Variants in CMTM3 observed in about 807,000 individuals in gnomAD.
The protein encoded by CMTM3 is CKLF-like MARVEL transmembrane domain-containing protein 3.
CMTM3 carries 7 observed loss-of-function variants against 18.2 expected under a neutral mutation model. The observed-to-expected ratio is 0.38, with a 90% CI of 0.22 to 0.72. The LOEUF (loss-of-function observed/expected upper bound fraction) is 0.72, where lower values mean the gene tolerates loss of function less well. CMTM3 is among the 30% of genes least tolerant of loss of function. The pLI, the probability that CMTM3 is intolerant of heterozygous loss-of-function variation, is 0.46. For synonymous variants in CMTM3, 109 were observed against 111.2 expected, an observed-to-expected ratio of 0.98 and a Z score of 0.12; for missense variants, 227 against 249.2, an observed-to-expected ratio of 0.91 and a Z score of 0.60.
At chr16:66,604,973 G>C in intron 1 of CMTM3, 21 bp downstream of exon 1, 3 of 1,473,404 alleles carry the variant, frequency 2.0e-6, no homozygotes, top group Non-Finnish European at 2.7e-6. Context: ...CGGGACCCTC[G>C]GCCGCCCCGC....
Position 66,608,518 on chromosome 16 carries a change from A to C in CMTM3, c.303+54A>C. On this transcript the variant is annotated intron_variant, in intron 2 of 4. Transcript: ENST00000567572. The surrounding 1 kb of genome is among the most constrained non-coding windows in gnomAD (Gnocchi z 5.1). ...GTGCCCTGCACAAAGTGGCCAGATG[A>C]GGAGTCCAGAGTCGTGCACTTGGGC... 1 of 1,581,178 alleles carries C rather than the reference A, an allele frequency of 6.3e-7. No homozygotes were observed. The highest frequency in any genetic ancestry group is 8.6e-7 in the Non-Finnish European group (1 of 1,156,962).
At chr16:66,607,691 A>G (rs1567393386) in intron 1 of CMTM3, among the ~76,000 whole-genome samples, 1 of 152,102 alleles carries the variant, frequency 6.6e-6, no homozygotes, top group Non-Finnish European at 1.5e-5. Flanking sequence ...TTCCCTCCGC[A>G]GGGCACTGAG....
rs1203709388 is a variant in CMTM3 at position 66,609,640 on chromosome 16, T to C, written c.399+110T>C. The stretch of plus-strand genomic sequence containing the variant: ...CTGCTGGGGCCCCCCTGGGGTCTCA[T>C]GTGGGTCCCGATGATGATTCCAAAG... On this transcript the variant is annotated intron_variant, in intron 3 of 4. Coordinates refer to ENST00000567572, the MANE Select transcript of CMTM3 (RefSeq NM_181553.4). The surrounding 1 kb of genome is among the most constrained non-coding windows in gnomAD (Gnocchi z 4.4). 2.6e-6 allele frequency: 4 copies of C among 1,513,770 alleles called. No homozygotes were observed. The highest frequency in any genetic ancestry group is 1.7e-4 in the Middle Eastern group (1 of 5,910). 93.8% of individuals were successfully genotyped at this position (1,513,770 alleles called of 1,614,324 possible).
At position 66,612,886 on chromosome 16, in the gene CMTM3, C is replaced by T. The variant is rs2015435968; in HGVS notation, c.*249C>T. The T allele has an allele frequency of 1.6e-6, 1 of 613,258 alleles. No homozygotes were observed. 38.0% of individuals were successfully genotyped at this position (613,258 alleles called of 1,614,324 possible). A position where few individuals can be genotyped will look rare whatever the true frequency, so the allele number is the denominator to read the frequency against. Reference sequence around the variant, plus strand: ...TCCCACTCCTTCTCCCCATTTCTGTCCCACAGGCCTTCAGCCCTTTAACGT... The same window carrying T: ...TCCCACTCCTTCTCCCCATTTCTGTTCCACAGGCCTTCAGCCCTTTAACGT... On this transcript the variant is annotated 3_prime_UTR_variant, in exon 5 of 5. Coordinates refer to ENST00000567572, the MANE Select transcript of CMTM3 (RefSeq NM_181553.4). The surrounding 1 kb of genome is among the most constrained non-coding windows in gnomAD (Gnocchi z 6.0).
At chr16:66,604,269 T>A (rs113755360), upstream of CMTM3, 4,375 of 145,132 alleles carry the variant, frequency 0.03, 90 homozygotes, top group Non-Finnish European at 0.044. Flanking sequence ...TGGAGGAGGG[T>A]GGGGCTGGCC....
In CMTM3 at chr16:66,612,835, C is replaced by T. The variant is rs766667759; in HGVS notation, c.*198C>T. 40 of 616,802 alleles carry T rather than the reference C, an allele frequency of 6.5e-5. No individual in the cohort carries two copies. The highest frequency in any genetic ancestry group is 4.3e-4 in the Middle Eastern group (1 of 2,342). The allele number at this position is 616,802 out of a possible 1,614,324, so 38.2% of individuals were successfully genotyped here. ...CCCCTCAGCTCAGCACTGTTGACCA[C>T]GCTGCGTATGAGGGCATCTTGGGTA... On this transcript the variant is annotated 3_prime_UTR_variant, in exon 5 of 5. Coordinates refer to ENST00000567572, the MANE Select transcript of CMTM3 (RefSeq NM_181553.4). This position sits in a 1 kb window ranked among gnomAD's most constrained non-coding sequence, Gnocchi z 6.0.
In CMTM3 at chr16:66,609,630, T is replaced by A; in HGVS notation, c.399+100T>A. The A allele has an allele frequency of 6.6e-7, 1 of 1,513,646 alleles. No homozygotes were observed. The highest frequency in any genetic ancestry group is 8.9e-7 in the Non-Finnish European group (1 of 1,119,604). 93.8% of individuals were successfully genotyped at this position (1,513,646 alleles called of 1,614,324 possible). ...GAGCCTTTCCCTGCTGGGGCCCCCC[T>A]GGGGTCTCATGTGGGTCCCGATGAT... is the stretch of plus-strand genomic sequence containing the variant. On this transcript the variant is annotated intron_variant, in intron 3 of 4. Transcript: ENST00000567572. The surrounding 1 kb of genome is among the most constrained non-coding windows in gnomAD (Gnocchi z 4.4).
In CMTM3 at chr16:66,610,695, G is replaced by A. The variant is rs538339084; in HGVS notation, c.520+692G>A. On this transcript the variant is annotated intron_variant, in intron 4 of 4. Coordinates refer to ENST00000567572, the MANE Select transcript of CMTM3 (RefSeq NM_181553.4). This position sits in a 1 kb window ranked among gnomAD's most constrained non-coding sequence, Gnocchi z 4.6. ...CTTCTGCCTGGGGAGATGCTTCTCT[G>A]GACCAGGCGGATGTGCCCCTGTGCT... 1.5e-4 allele frequency among the ~76,000 whole-genome samples: 23 copies of A among 152,204 alleles called. No individual in the cohort carries two copies. The highest frequency in any genetic ancestry group is 3.2e-4 in the Non-Finnish European group (22 of 68,038).
Position 66,609,907 on chromosome 16 carries a change from G to C in CMTM3, c.424G>C (p.Val142Leu), listed in dbSNP as rs142471076. Reference protein sequence around the residue: ...AGVFGFFATIVFATDFYLIFN... With the variant: ...AGVFGFFATILFATDFYLIFN... ...GGTGTTTGGCTTCTTTGCTACCATC[G>C]TGTTTGCAACTGATTTCTACCTGAT... The change falls in exon 4 of 5, where the codon GTG becomes CTG. Residue 142 changes from valine to leucine, a missense_variant. Val to Leu is a conservative substitution (Grantham distance 32, BLOSUM62 1). Transcript: ENST00000567572. This position sits in a 1 kb window ranked among gnomAD's most constrained non-coding sequence, Gnocchi z 4.4. The C allele has an allele frequency of 1.9e-6, 3 of 1,614,118 alleles. No homozygotes were observed. The highest frequency in any genetic ancestry group is 2.7e-5 in the African/African-American group (2 of 75,020).
At position 66,609,681 on chromosome 16, in the gene CMTM3, C is replaced by A. The variant is rs1033133363; in HGVS notation, c.399+151C>A. 6.5e-7 allele frequency: 1 copy of A among 1,538,824 alleles called. No individual in the cohort carries two copies. The highest frequency in any genetic ancestry group is 8.8e-7 in the Non-Finnish European group (1 of 1,142,064). ...GATTCCAAAGTCCTCTCATTAAAGACTGACTCTACCCGGGGTTTTGAAAGG... is the reference window on the plus strand; with the variant it reads ...GATTCCAAAGTCCTCTCATTAAAGAATGACTCTACCCGGGGTTTTGAAAGG... On this transcript the variant is annotated intron_variant, in intron 3 of 4. Coordinates refer to ENST00000567572, the MANE Select transcript of CMTM3 (RefSeq NM_181553.4). This position sits in a 1 kb window ranked among gnomAD's most constrained non-coding sequence, Gnocchi z 4.4.
At position 66,612,606 on chromosome 16, in the gene CMTM3, C is replaced by CA; in HGVS notation, c.521-2dup. The stretch of plus-strand genomic sequence containing the variant: ...CCAAGCATCCTCTCTGCTTTCCTTT[C>CA]AGAAGAGAATTCCGACTCGGACTCT... On this transcript the variant is annotated splice_polypyrimidine_tract_variant and splice_region_variant and intron_variant, in intron 4 of 4. Transcript: ENST00000567572. This position sits in a 1 kb window ranked among gnomAD's most constrained non-coding sequence, Gnocchi z 6.0. 6.2e-7 allele frequency: 1 copy of CA among 1,614,036 alleles called. No individual in the cohort carries two copies. The highest frequency in any genetic ancestry group is 8.5e-7 in the Non-Finnish European group (1 of 1,179,966).
In CMTM3 at chr16:66,613,417, G is replaced by C. The variant is rs2015458444; in HGVS notation, c.*780G>C. On this transcript the variant is annotated 3_prime_UTR_variant, in exon 5 of 5. Coordinates refer to ENST00000567572, the MANE Select transcript of CMTM3 (RefSeq NM_181553.4). ...CCCAGCCAAACCCTCCTTCTTCCTA[G>C]AGCCCAGCCAGCAGGCAGGAGTTCC... 2.6e-6 allele frequency: 1 copy of C among 387,004 alleles called. No homozygotes were observed. The highest frequency in any genetic ancestry group is 2.0e-5 in the African/African-American group (1 of 50,164). 24.0% of individuals were successfully genotyped at this position (387,004 alleles called of 1,614,324 possible). A position where few individuals can be genotyped will look rare whatever the true frequency, so the allele number is the denominator to read the frequency against.
chr16:66,604,938 C>T lies in CMTM3; in HGVS notation c.133C>T (p.Leu45=). ...AFLCSLKGRL[L]LAESGLSFIT... is the part of the protein sequence containing the mutation. ...CCTCTGCTCTCTCAAAGGCCGCCTC[C>T]TGCTGGCCGAGTCGGTGAGTGCGGC... is the stretch of plus-strand genomic sequence containing the variant. Residue 45 remains leucine, a synonymous_variant, in exon 1 of 5, where the codon CTG becomes TTG. Transcript: ENST00000567572. 1.3e-6 allele frequency: 2 copies of T among 1,503,204 alleles called. No individual in the cohort carries two copies. Among genetic ancestry groups the T allele is most frequent in the Non-Finnish European group, 1.8e-6 (2 of 1,136,604 alleles). 93.1% of individuals were successfully genotyped at this position (1,503,204 alleles called of 1,614,324 possible).
At position 66,609,789 on chromosome 16, in the gene CMTM3, C is replaced by T. The variant is rs774548967; in HGVS notation, c.400-94C>T. 7 of 1,612,522 alleles carry T rather than the reference C, an allele frequency of 4.3e-6. No homozygotes were observed. Among genetic ancestry groups the T allele is most frequent in the Non-Finnish European group, 5.9e-6 (7 of 1,179,348 alleles). ...TGTGCCTGACACTCGGGCTGTTTGTCCAAGCAGATCTGAAATGGGCCGTGA... is the reference window on the plus strand; with the variant it reads ...TGTGCCTGACACTCGGGCTGTTTGTTCAAGCAGATCTGAAATGGGCCGTGA... On this transcript the variant is annotated intron_variant, in intron 3 of 4. Coordinates refer to ENST00000567572, the MANE Select transcript of CMTM3 (RefSeq NM_181553.4). The surrounding 1 kb of genome is among the most constrained non-coding windows in gnomAD (Gnocchi z 4.4).
At position 66,607,213 on chromosome 16, in the gene CMTM3, C is replaced by T. The variant is rs537010841; in HGVS notation, c.148-1096C>T. 7.2e-5 allele frequency among the ~76,000 whole-genome samples: 11 copies of T among 152,340 alleles called. No individual in the cohort carries two copies. The East Asian group carries it at 1.9e-3, about 27-fold the overall frequency. On this transcript the variant is annotated intron_variant, in intron 1 of 4. Transcript: ENST00000567572. The stretch of plus-strand genomic sequence containing the variant: ...CAGGTCACCTTGGCCTGCTCTGCAG[C>T]GTACCTGGGCTGCAGGACTGCCCAG...
At chr16:66,607,143 G>A (rs554677261) in intron 1 of CMTM3, among the ~76,000 whole-genome samples, 107 of 152,332 alleles carry the variant, frequency 7.0e-4, no homozygotes, top group Non-Finnish European at 1.1e-3. Context: ...GGAGATGCCC[G>A]TGAGCCTCAG....
chr16:66,607,324 G>A (rs1026664398), intron 1 of CMTM3, among the ~76,000 whole-genome samples: 7 of 152,224 alleles, frequency 4.6e-5, no homozygotes, highest in African/African-American at 1.4e-4. Context: ...TGTAGTTCAA[G>A]TACAGCTGGC....
At position 66,612,990 on chromosome 16, in the gene CMTM3, G is replaced by T; in HGVS notation, c.*353G>T. On this transcript the variant is annotated 3_prime_UTR_variant, in exon 5 of 5. Transcript: ENST00000567572. The surrounding 1 kb of genome is among the most constrained non-coding windows in gnomAD (Gnocchi z 6.0). ...CAGCAGGTGTTCCATGCTGCTAGGT[G>T]GCGGGGGTCGGGGGTCTTCTGTTTC... is the stretch of plus-strand genomic sequence containing the variant. The T allele has an allele frequency of 7.2e-6, 5 of 698,264 alleles. No homozygotes were observed. In the South Asian group the frequency reaches 7.4e-5, roughly 10 times the overall value. The allele number at this position is 698,264 out of a possible 1,614,324, so 43.3% of individuals were successfully genotyped here. A position where few individuals can be genotyped will look rare whatever the true frequency, so the allele number is the denominator to read the frequency against.
chr16:66,607,835 GT>G (rs371152659), intron 1 of CMTM3, among the ~76,000 whole-genome samples: 107 of 144,934 alleles, frequency 7.4e-4, no homozygotes, highest in South Asian at 3.1e-3. Context: ...GCCATGCTGG[GT>G]TTTTTTTTTT....
Sources: allele counts gnomAD v4.1 joint callset (sites outside exome capture counted in the v4.1 genomes callset), GRCh38; gene constraint gnomAD v4.1.1; non-coding constraint Gnocchi (gnomAD v3.1); transcripts MANE v1.5; gene names NCBI Gene and HGNC (gene_info 2026-07-23, HGNC 2026-07-21).